NECTIN3: variants seen among roughly 807,000 people sequenced by gnomAD.
NECTIN3 encodes the protein nectin cell adhesion molecule 3.
A neutral mutation model predicts 49.4 loss-of-function variants in NECTIN3; 8 were observed. The observed-to-expected ratio is 0.16, with a 90% CI of 0.10 to 0.29. The LOEUF (loss-of-function observed/expected upper bound fraction) is 0.29, where lower values mean the gene tolerates loss of function less well. NECTIN3 is among the 10% of genes least tolerant of loss of function. The probability of loss-of-function intolerance (pLI) is 1.00; values close to 1 mark genes in which losing one functional copy is unlikely to be tolerated. For missense variants in NECTIN3, 581 were observed against 654.6 expected (o/e 0.89, Z 1.23); for synonymous variants, 277 against 241.1 (o/e 1.15, Z -1.38).
rs999741464 is a variant in NECTIN3, at chr3:111,181,406, GA to G, written c.1222-10938del. 2.4e-4 allele frequency among the ~76,000 whole-genome samples: 36 copies of G among 152,052 alleles called. 1 individual carries two copies. Among genetic ancestry groups the G allele is most frequent in the African/African-American group, 8.4e-4 (35 of 41,534 alleles). On this transcript the variant is annotated intron_variant, in intron 7 of 8. Coordinates refer to the NECTIN3 transcript ENST00000493615. Reference sequence around the variant, plus strand: ...GTTTAAAGTTTTGGGATGTTGTGAAGAAAAAAACCTTTTTCCTTTTTTTGTA... The same window carrying G: ...GTTTAAAGTTTTGGGATGTTGTGAAGAAAAAACCTTTTTCCTTTTTTTGTA...
chr3:111,157,537 T>C (rs1280469958), intron 7 of NECTIN3, among the ~76,000 whole-genome samples: 2 of 152,078 alleles, frequency 1.3e-5, no homozygotes, highest in East Asian at 1.9e-4. Context: ...AGTTTTTCTT[T>C]GTAATTTTAA....
At chr3:111,152,332 T>G (rs2035016603) in intron 7 of NECTIN3, among the ~76,000 whole-genome samples, 1 of 151,890 alleles carries the variant, frequency 6.6e-6, no homozygotes, top group South Asian at 2.1e-4. Flanking sequence ...GTAAGAATTG[T>G]ACTATTTTGC....
intron 2 of NECTIN3, among the ~76,000 whole-genome samples, chr3:111,115,312 T>C (rs2033646859): frequency 6.6e-6 from 1 of 152,190 alleles, no homozygotes; most frequent in Non-Finnish European, 1.5e-5. Context: ...TTTAGAATTA[T>C]AGAGTAGGAC....
chr3:111,078,406 A>G (rs1025569866), intron 1 of NECTIN3, among the ~76,000 whole-genome samples: 9 of 152,154 alleles, frequency 5.9e-5, no homozygotes, highest in Admixed American at 6.5e-5. Flanking sequence ...TGTTTCTGTG[A>G]AACACTAGTC....
intron 1 of NECTIN3, among the ~76,000 whole-genome samples, chr3:111,098,757 A>G (rs911135597): frequency 3.3e-5 from 5 of 151,760 alleles, no homozygotes; most frequent in African/African-American, 9.7e-5. Context: ...CAGTTTTCCT[A>G]TTTACTCTTG....
Position 111,136,951 on chromosome 3 carries a change from G to A in NECTIN3, c.*2736G>A. 1 of 975,606 alleles carries A rather than the reference G, an allele frequency of 1.0e-6. No individual in the cohort carries two copies. Among genetic ancestry groups the A allele is most frequent in the Non-Finnish European group, 1.2e-6 (1 of 821,258 alleles). The allele number at this position is 975,606 out of a possible 1,614,324, so 60.4% of individuals were successfully genotyped here. A position where few individuals can be genotyped will look rare whatever the true frequency, so the allele number is the denominator to read the frequency against. On this transcript the variant is annotated 3_prime_UTR_variant, in exon 6 of 6. Coordinates refer to ENST00000485303, the MANE Select transcript of NECTIN3 (RefSeq NM_015480.3). ...GATTTAGTATTTTACCACGTGCCTAGTAGGGTTCTATTTGCTAACTCTAAT... is the reference window on the plus strand; with the variant it reads ...GATTTAGTATTTTACCACGTGCCTAATAGGGTTCTATTTGCTAACTCTAAT...
chr3:111,140,247 A>T (rs1318020897), downstream of NECTIN3, among the ~76,000 whole-genome samples: 2 of 151,812 alleles, frequency 1.3e-5, no homozygotes, highest in Non-Finnish European at 2.9e-5. Context: ...CTAATCAATA[A>T]CTTCTCCTTC....
chr3:111,138,136 A>C (rs907127656), downstream of NECTIN3, among the ~76,000 whole-genome samples: 3 of 151,604 alleles, frequency 2.0e-5, no homozygotes, highest in African/African-American at 2.4e-5. Context: ...AGTGTTTTTT[A>C]CTTACTACTT....
At chr3:111,073,761 C>A (rs542922352) in intron 1 of NECTIN3, among the ~76,000 whole-genome samples, 1 of 152,246 alleles carries the variant, frequency 6.6e-6, no homozygotes, top group South Asian at 2.1e-4. Flanking sequence ...AGAGGCAGAT[C>A]TAGTTAGGCA....
intron 7 of NECTIN3, among the ~76,000 whole-genome samples, chr3:111,167,186 T>C (rs1446578542): frequency 6.6e-6 from 1 of 152,182 alleles, no homozygotes; most frequent in Non-Finnish European, 1.5e-5. Flanking sequence ...AAAAGATATT[T>C]AAAGAGATAA....
intron 1 of NECTIN3, among the ~76,000 whole-genome samples, chr3:111,081,253 C>A (rs900225657): frequency 6.6e-6 from 1 of 152,224 alleles, no homozygotes; most frequent in African/African-American, 2.4e-5. Flanking sequence ...TGCATTCCAT[C>A]CTGGACAACA....
chr3:111,100,837 GTC>G (rs112266602), intron 1 of NECTIN3, among the ~76,000 whole-genome samples: 4 of 151,390 alleles, frequency 2.6e-5, no homozygotes, highest in Admixed American at 6.6e-5. Context: ...TGAAAACTCT[GTC>G]TCTGCATTTT....
Position 111,182,981 on chromosome 3 carries a change from CATTT to C in NECTIN3, c.1222-9364_1222-9361del, listed in dbSNP as rs760925537. On this transcript the variant is annotated intron_variant, in intron 7 of 8. Coordinates refer to the NECTIN3 transcript ENST00000493615. ...GATTAAGTATTTTTTAATTTAAATA[CATTT>C]ATTTAGTATTTAGCATACACATTTT... 3.3e-5 allele frequency among the ~76,000 whole-genome samples: 5 copies of C among 151,794 alleles called. No homozygotes were observed. In the East Asian group the frequency reaches 7.7e-4, roughly 24 times the overall value.
At chr3:111,193,411 A>G (rs1056943907) in intron 1 of NECTIN3, 48 of 1,519,130 alleles carry the variant, frequency 3.2e-5, no homozygotes, top group Non-Finnish European at 4.2e-5. Flanking sequence ...CGTTCTAACA[A>G]ATGTTTATTC....
Position 111,135,040 on chromosome 3 carries a change from T to C in NECTIN3, c.*825T>C, listed in dbSNP as rs540366367. The C allele has an allele frequency of 1.6e-5, 16 of 981,652 alleles. No homozygotes were observed. In the South Asian group the frequency reaches 5.7e-4, roughly 35 times the overall value. The allele number at this position is 981,652 out of a possible 1,614,324, so 60.8% of individuals were successfully genotyped here. A position where few individuals can be genotyped will look rare whatever the true frequency, so the allele number is the denominator to read the frequency against. On this transcript the variant is annotated 3_prime_UTR_variant, in exon 6 of 6. Coordinates refer to ENST00000485303, the MANE Select transcript of NECTIN3 (RefSeq NM_015480.3). Reference sequence around the variant, plus strand: ...TAGCAGTAGCCTTATTTTAATGCTTTATGTCCTAAACATACTAATAGAAAT... The same window carrying C: ...TAGCAGTAGCCTTATTTTAATGCTTCATGTCCTAAACATACTAATAGAAAT...
At chr3:111,169,407 G>T in intron 7 of NECTIN3, among the ~76,000 whole-genome samples, 1 of 142,954 alleles carries the variant, frequency 7.0e-6, no homozygotes, top group African/African-American at 2.6e-5. Flanking sequence ...TAAGAGCACA[G>T]TTGGATATTC....
At chr3:111,170,277 A>G (rs2035410792) in intron 7 of NECTIN3, among the ~76,000 whole-genome samples, 1 of 152,282 alleles carries the variant, frequency 6.6e-6, no homozygotes, top group Non-Finnish European at 1.5e-5. Context: ...TTGAATTACT[A>G]TATTGTGAAT....
intron 5 of NECTIN3, among the ~76,000 whole-genome samples, chr3:111,130,940 C>G (rs1021273707): frequency 1.3e-5 from 2 of 151,860 alleles, no homozygotes; most frequent in Admixed American, 6.6e-5. Context: ...AATAAGTGCC[C>G]CTATGTCTAA....
intron 7 of NECTIN3, among the ~76,000 whole-genome samples, chr3:111,166,856 CATGTA>C (rs748526568): frequency 9.9e-5 from 15 of 152,046 alleles, no homozygotes; most frequent in Non-Finnish European, 1.5e-4. Context: ...TATGTGAATA[CATGTA>C]ATGTAGGAAT....
Sources: gnomAD v4.1 joint callset for allele counts (sites outside exome capture counted in the v4.1 genomes callset) on GRCh38, gnomAD v4.1.1 for gene constraint, MANE v1.5 for transcripts, NCBI Gene and HGNC (gene_info 2026-07-23, HGNC 2026-07-21) for gene names.